The following GALNT13 variants were observed in gnomAD, a reference collection of about 807,000 sequenced individuals.
GALNT13 encodes the protein UDP-GalNAc:polypeptide N-acetylgalactosaminyltransferase 13.
GALNT13 carries 28 observed loss-of-function variants against 64.2 expected under a neutral mutation model. The ratio of observed to expected loss-of-function variants is 0.44; its 90% CI spans 0.32 to 0.60. GALNT13 has a LOEUF of 0.60. GALNT13 is among the 20% of genes least tolerant of loss of function. The pLI, the probability that GALNT13 is intolerant of heterozygous loss-of-function variation, is 0.05. For synonymous variants in GALNT13, 214 were observed against 224.6 expected, an observed-to-expected ratio of 0.95 and a Z score of 0.42; for missense variants, 577 against 669.8, an observed-to-expected ratio of 0.86 and a Z score of 1.53.
the GALNT13 span, among the ~76,000 whole-genome samples, chr2:153,581,698 T>TTAAA: frequency 6.6e-6 from 1 of 151,968 alleles, no homozygotes; most frequent in Non-Finnish European, 1.5e-5. Context: ...CATTAATTAA[T>TTAAA]TAATCTATGT....
chr2:153,724,364 C>G, the GALNT13 span, among the ~76,000 whole-genome samples: 19 of 125,938 alleles, frequency 1.5e-4, no homozygotes, highest in Non-Finnish European at 2.4e-4. Flanking sequence ...AGAAGAAAAC[C>G]TAGGCATTAC....
chr2:154,125,062 T>C (rs1574549224), intron 3 of GALNT13, among the ~76,000 whole-genome samples: 1 of 152,166 alleles, frequency 6.6e-6, no homozygotes, highest in Non-Finnish European at 1.5e-5. Flanking sequence ...CTTTCTCTTT[T>C]ATCACACTGA....
chr2:153,181,843 AATTATATAAGTAT>A, the GALNT13 span, among the ~76,000 whole-genome samples: 12 of 146,564 alleles, frequency 8.2e-5, no homozygotes, highest in South Asian at 2.1e-4. Context: ...TAATTTATAT[AATTATATAAGTAT>A]ATTATATAAG....
chr2:154,187,289 T>C (rs1268326135), intron 4 of GALNT13, among the ~76,000 whole-genome samples: 3 of 151,844 alleles, frequency 2.0e-5, no homozygotes, highest in African/African-American at 7.3e-5. Context: ...TAGTATAATT[T>C]TAGTAACATT....
the GALNT13 span, among the ~76,000 whole-genome samples, chr2:153,561,824 T>C: frequency 6.6e-6 from 1 of 152,172 alleles, no homozygotes; most frequent in African/African-American, 2.4e-5. Context: ...ATTGGAGTAA[T>C]ACAAATTTTA....
At chr2:154,439,435 A>G (rs548745755) in intron 12 of GALNT13, among the ~76,000 whole-genome samples, 54 of 152,172 alleles carry the variant, frequency 3.5e-4, no homozygotes, top group African/African-American at 1.2e-3. Context: ...TTCTTTTTTG[A>G]TTAACAAAAT....
chr2:153,175,107 T>C, the GALNT13 span, among the ~76,000 whole-genome samples: 2 of 152,322 alleles, frequency 1.3e-5, no homozygotes, highest in East Asian at 3.9e-4. Flanking sequence ...TTTTCACTTT[T>C]AATTGAAATT....
chr2:153,093,128 T>G, the GALNT13 span, among the ~76,000 whole-genome samples: 1 of 152,188 alleles, frequency 6.6e-6, no homozygotes, highest in Non-Finnish European at 1.5e-5. Context: ...TTTTTATCCT[T>G]CATTCTCTTG....
the GALNT13 span, among the ~76,000 whole-genome samples, chr2:153,511,386 A>G: frequency 3.8e-4 from 58 of 152,176 alleles, no homozygotes; most frequent in Middle Eastern, 0.02. Context: ...GTGGATGGGT[A>G]ACAGGTGAGA....
intron 3 of GALNT13, among the ~76,000 whole-genome samples, chr2:154,033,834 G>A (rs1489303291): frequency 6.6e-6 from 1 of 152,274 alleles, no homozygotes; most frequent in Admixed American, 6.5e-5. Flanking sequence ...AGCTACTCGG[G>A]AGGCTGAGGC....
intron 9 of GALNT13, among the ~76,000 whole-genome samples, chr2:154,373,725 G>A (rs1697826695): frequency 6.6e-6 from 1 of 152,116 alleles, no homozygotes; most frequent in Non-Finnish European, 1.5e-5. Flanking sequence ...TTTGATTGCA[G>A]AATAGTAACA....
the GALNT13 span, among the ~76,000 whole-genome samples, chr2:153,097,669 A>T: frequency 2.0e-5 from 3 of 152,102 alleles, no homozygotes; most frequent in Non-Finnish European, 4.4e-5. Flanking sequence ...TTCAGAGTTA[A>T]TTTTTATCAG....
the GALNT13 span, among the ~76,000 whole-genome samples, chr2:153,260,284 A>G: frequency 2.0e-5 from 3 of 152,180 alleles, no homozygotes; most frequent in African/African-American, 7.2e-5. Flanking sequence ...ACGTACCATT[A>G]CCAGTGAATT....
the GALNT13 span, chr2:153,478,402 C>T: frequency 1.4e-5 from 23 of 1,614,050 alleles, no homozygotes; most frequent in Admixed American, 6.7e-5. Context: ...CTGCACCACG[C>T]GCATTATGTA....
At chr2:153,315,863 G>A in the GALNT13 span, among the ~76,000 whole-genome samples, 1 of 151,986 alleles carries the variant, frequency 6.6e-6, no homozygotes, top group Admixed American at 6.6e-5. Flanking sequence ...AAACAAATAG[G>A]CAAGCTACAT....
the GALNT13 span, among the ~76,000 whole-genome samples, chr2:153,429,582 T>C: frequency 1.4e-4 from 21 of 152,158 alleles, no homozygotes; most frequent in African/African-American, 4.8e-4. Context: ...GGCAGTGTTA[T>C]TCACAATCTC....
chr2:154,388,839 T>G (rs762268641), intron 9 of GALNT13, among the ~76,000 whole-genome samples: 3 of 152,192 alleles, frequency 2.0e-5, no homozygotes, highest in Non-Finnish European at 2.9e-5. Context: ...TAGCTTAAAC[T>G]GTATATACTG....
At chr2:154,189,472 C>CAAAAAAA (rs35557058) in intron 4 of GALNT13, among the ~76,000 whole-genome samples, 1 of 81,404 alleles carries the variant, frequency 1.2e-5, no homozygotes, top group Non-Finnish European at 2.4e-5. Context: ...ACGTGCACAC[C>CAAAAAAA]AAAAAAAAAA....
chr2:154,130,413 G>A (rs1682542649), intron 3 of GALNT13, among the ~76,000 whole-genome samples: 1 of 152,008 alleles, frequency 6.6e-6, no homozygotes, highest in Non-Finnish European at 1.5e-5. Context: ...CCTCAACAAA[G>A]TTTCACAGTC....
Sources: allele counts gnomAD v4.1 joint callset (sites outside exome capture counted in the v4.1 genomes callset), GRCh38; gene constraint gnomAD v4.1.1; transcripts MANE v1.5; gene names NCBI Gene and HGNC (gene_info 2026-07-23, HGNC 2026-07-21).